ELMOD1: variants seen among roughly 807,000 people sequenced by gnomAD.
ELMOD1 encodes the protein ELMO domain containing 1.
ELMOD1 carries 21 observed loss-of-function variants against 46.7 expected under a neutral mutation model. The observed-to-expected ratio is 0.45, with a 90% confidence interval of 0.32 to 0.65. The LOEUF is 0.65. ELMOD1 is among the 30% of genes least tolerant of loss of function. ELMOD1 has a pLI of 0.04. For synonymous variants in ELMOD1, 122 were observed against 138.2 expected (o/e 0.88, Z 0.82); for missense variants, 348 against 407.8 (o/e 0.85, Z 1.26).
At chr11:107,626,606 T>C (rs1216186202) in intron 2 of ELMOD1, among the ~76,000 whole-genome samples, 3 of 146,080 alleles carry the variant, frequency 2.1e-5, no homozygotes, top group African/African-American at 8.0e-5. Flanking sequence ...TCTTATCTTC[T>C]TTCCTTCTTT....
Position 107,644,422 on chromosome 11 carries a change from C to A in ELMOD1, c.421-3046C>A, listed in dbSNP as rs1866381521. On this transcript the variant is annotated intron_variant, in intron 6 of 11. Transcript: ENST00000265840. ...CCCACCTACGGAAATGAAGCGCCTG[C>A]TTTTGCCATCTTGCTGCACTCACTC... Among the ~76,000 whole-genome samples, 3 of 152,244 alleles carry A rather than the reference C, an allele frequency of 2.0e-5. No individual in the cohort carries two copies. In the South Asian group the frequency reaches 6.2e-4, roughly 32 times the overall value.
intron 6 of ELMOD1, among the ~76,000 whole-genome samples, chr11:107,641,042 G>C (rs1220331405): frequency 6.6e-6 from 1 of 151,960 alleles, no homozygotes; most frequent in Non-Finnish European, 1.5e-5. Flanking sequence ...ATTTCTAACA[G>C]GCACTTTGGG....
chr11:107,607,582 T>G (rs1311953692), intron 1 of ELMOD1, among the ~76,000 whole-genome samples: 2 of 152,012 alleles, frequency 1.3e-5, no homozygotes, highest in African/African-American at 4.8e-5. Context: ...CGCTTGAGCC[T>G]GGGGGTCCAG....
At chr11:107,629,088 T>C (rs1007240824) in intron 2 of ELMOD1, among the ~76,000 whole-genome samples, 2 of 152,204 alleles carry the variant, frequency 1.3e-5, no homozygotes, top group African/African-American at 4.8e-5. Flanking sequence ...GGTTGTTTTG[T>C]ATGGTTTCTT....
chr11:107,657,055 T>C (rs1162895143), intron 11 of ELMOD1, among the ~76,000 whole-genome samples: 3 of 152,112 alleles, frequency 2.0e-5, no homozygotes, highest in African/African-American at 7.2e-5. Flanking sequence ...TGAGTTTTCA[T>C]ACCCAAAGTA....
At chr11:107,603,174 A>C (rs1300481931) in intron 1 of ELMOD1, among the ~76,000 whole-genome samples, 2 of 152,242 alleles carry the variant, frequency 1.3e-5, no homozygotes, top group Non-Finnish European at 2.9e-5. Context: ...CTCTGCTGAT[A>C]GAATGGAGAG....
chr11:107,658,824 A>G (rs572376723), intron 11 of ELMOD1, among the ~76,000 whole-genome samples: 68 of 152,324 alleles, frequency 4.5e-4, no homozygotes, highest in African/African-American at 1.6e-3. Flanking sequence ...AAGCCCAGCT[A>G]CTCGGGAGGC....
At chr11:107,643,994 C>A (rs1338911560) in intron 6 of ELMOD1, 1 of 158,666 alleles carries the variant, frequency 6.3e-6, no homozygotes, top group East Asian at 1.9e-4. Context: ...TTATTCAGGC[C>A]AGGCACGGTG....
chr11:107,662,624 C>CA (rs1290973673), intron 11 of ELMOD1, among the ~76,000 whole-genome samples: 1 of 144,324 alleles, frequency 6.9e-6, no homozygotes, highest in Non-Finnish European at 1.5e-5. Flanking sequence ...AAAAAAACAA[C>CA]AAAAAAAAAC....
intron 6 of ELMOD1, among the ~76,000 whole-genome samples, chr11:107,639,150 AAATAAT>A (rs1040637034): frequency 2.6e-5 from 4 of 151,858 alleles, no homozygotes; most frequent in Non-Finnish European, 5.9e-5. Flanking sequence ...CCTTTCTAAA[AAATAAT>A]AATAATAATA....
chr11:107,655,039 T>C (rs1380451273), intron 10 of ELMOD1, among the ~76,000 whole-genome samples: 1 of 152,146 alleles, frequency 6.6e-6, no homozygotes, highest in Non-Finnish European at 1.5e-5. Flanking sequence ...ATTTTTCTCA[T>C]CATAAAAGTA....
intron 6 of ELMOD1, among the ~76,000 whole-genome samples, chr11:107,641,975 C>T (rs534213182): frequency 2.3e-5 from 3 of 132,354 alleles, no homozygotes; most frequent in African/African-American, 8.5e-5. Flanking sequence ...GATGGAGTCT[C>T]ACTCTGTCAC....
intron 11 of ELMOD1, among the ~76,000 whole-genome samples, chr11:107,659,694 G>A (rs1866699113): frequency 6.6e-6 from 1 of 151,794 alleles, no homozygotes; most frequent in Non-Finnish European, 1.5e-5. Flanking sequence ...TGGATGGATG[G>A]ATGGATGGAT....
At chr11:107,653,669 T>G (rs1866568695) in intron 9 of ELMOD1, 1 of 151,768 alleles carries the variant, frequency 6.6e-6, no homozygotes, top group Non-Finnish European at 1.5e-5. Context: ...CCTTTCTTCT[T>G]TTCTTTCTTT....
intron 8 of ELMOD1, 83 bp downstream of exon 8, chr11:107,650,486 G>C (rs1240403409): frequency 9.9e-7 from 1 of 1,011,084 alleles, no homozygotes; most frequent in Non-Finnish European, 1.5e-6. Flanking sequence ...CTGTTGATGA[G>C]ATTCTCAGGA....
At chr11:107,614,669 A>G (rs988465933) in intron 1 of ELMOD1, among the ~76,000 whole-genome samples, 1 of 152,150 alleles carries the variant, frequency 6.6e-6, no homozygotes, top group Non-Finnish European at 1.5e-5. Flanking sequence ...AGATCTGATC[A>G]TGTCACATCT....
At chr11:107,655,060 A>G (rs1866602590) in intron 10 of ELMOD1, among the ~76,000 whole-genome samples, 1 of 152,138 alleles carries the variant, frequency 6.6e-6, no homozygotes, top group Non-Finnish European at 1.5e-5. Context: ...ATTACAATTT[A>G]TTATAGAAAA....
At chr11:107,596,372 A>C (rs980226983) in intron 1 of ELMOD1, among the ~76,000 whole-genome samples, 1 of 152,102 alleles carries the variant, frequency 6.6e-6, no homozygotes, top group Non-Finnish European at 1.5e-5. Context: ...TCAATATTTA[A>C]AATGTGAATT....
chr11:107,644,631 C>G (rs185642867), intron 6 of ELMOD1, among the ~76,000 whole-genome samples: 2 of 150,842 alleles, frequency 1.3e-5, no homozygotes, highest in African/African-American at 2.4e-5. Flanking sequence ...CCTGCCACCA[C>G]GCCCGGCTTA....
Sources: gnomAD v4.1 joint callset for allele counts (sites outside exome capture counted in the v4.1 genomes callset) on GRCh38, gnomAD v4.1.1 for gene constraint, MANE v1.5 for transcripts, NCBI Gene and HGNC (gene_info 2026-07-23, HGNC 2026-07-21) for gene names.